Variants in AOAH observed in about 807,000 individuals in gnomAD.
The protein encoded by AOAH is acyloxyacyl hydrolase, also known as acyloxyacyl hydrolase (neutrophil).
A neutral mutation model predicts 92.2 loss-of-function variants in AOAH; 64 were observed. That is an observed-to-expected ratio of 0.69 (90% CI 0.57 to 0.86). The LOEUF (loss-of-function observed/expected upper bound fraction) is 0.86, where lower values mean the gene tolerates loss of function less well. AOAH is among the 40% of genes least tolerant of loss of function. The pLI is 0.00. For missense variants in AOAH, 656 were observed against 694.6 expected (o/e 0.94, Z 0.62); for synonymous variants, 263 against 254.5 (o/e 1.03, Z -0.32).
At chr7:36,541,902 T>C (rs923460818) in intron 15 of AOAH, among the ~76,000 whole-genome samples, 15 of 152,244 alleles carry the variant, frequency 9.9e-5, no homozygotes, top group African/African-American at 3.6e-4. Flanking sequence ...AGTTTTCATC[T>C]ACTCTTTACA....
At chr7:36,577,045 T>C (rs1036773431) in intron 12 of AOAH, among the ~76,000 whole-genome samples, 4 of 151,338 alleles carry the variant, frequency 2.6e-5, no homozygotes, top group Admixed American at 6.6e-5. Flanking sequence ...TTTTTTTGGT[T>C]GCTATGAAGC....
chr7:36,621,013 A>G (rs1792241439), intron 8 of AOAH, among the ~76,000 whole-genome samples, 184 bp from the exon 9 acceptor site: 1 of 152,206 alleles, frequency 6.6e-6, no homozygotes, highest in African/African-American at 2.4e-5. Context: ...GCCTCCATTC[A>G]GCTTCCTTGC....
At chr7:36,615,731 A>G (rs571029483) in intron 11 of AOAH, among the ~76,000 whole-genome samples, 1 of 152,252 alleles carries the variant, frequency 6.6e-6, no homozygotes, top group Admixed American at 6.5e-5. Flanking sequence ...TTATATGTCT[A>G]CCCCATATTT....
At chr7:36,649,122 A>T (rs779874045) in intron 4 of AOAH, among the ~76,000 whole-genome samples, 1 of 152,232 alleles carries the variant, frequency 6.6e-6, no homozygotes, top group African/African-American at 2.4e-5. Flanking sequence ...CGTATACAAT[A>T]GAAGCTTAGT....
intron 12 of AOAH, among the ~76,000 whole-genome samples, chr7:36,593,908 T>A (rs1789920297): frequency 6.6e-6 from 1 of 152,216 alleles, no homozygotes; most frequent in African/African-American, 2.4e-5. Context: ...TGGGTTTGTG[T>A]GTCATTCAAA....
chr7:36,592,666 A>G (rs1157882636), intron 12 of AOAH, among the ~76,000 whole-genome samples: 1 of 152,220 alleles, frequency 6.6e-6, no homozygotes, highest in Admixed American at 6.5e-5. Flanking sequence ...CAAGATTCTT[A>G]TTCTGTCTAT....
chr7:36,720,797 T>TCTGAGA (rs1799576415), intron 1 of AOAH, among the ~76,000 whole-genome samples: 1 of 152,030 alleles, frequency 6.6e-6, no homozygotes, highest in East Asian at 1.9e-4. Context: ...TGTGTATCCC[T>TCTGAGA]GCTCTCGCAT....
chr7:36,517,180 T>TTCTC (rs1783786303), intron 20 of AOAH, among the ~76,000 whole-genome samples: 1 of 58,184 alleles, frequency 1.7e-5, no homozygotes, highest in Non-Finnish European at 3.5e-5. Flanking sequence ...CTTTCTTTCT[T>TTCTC]TCTTTCTTTC....
intron 4 of AOAH, among the ~76,000 whole-genome samples, chr7:36,648,780 G>T (rs1794398598): frequency 6.6e-6 from 1 of 152,036 alleles, no homozygotes; most frequent in African/African-American, 2.4e-5. Context: ...CCACTGATTT[G>T]AAATGCTATT....
At chr7:36,706,759 T>G (rs560434672) in intron 1 of AOAH, among the ~76,000 whole-genome samples, 7 of 152,312 alleles carry the variant, frequency 4.6e-5, no homozygotes, top group African/African-American at 1.7e-4. Flanking sequence ...TTCCTTCACC[T>G]TGCACTTTTA....
intron 6 of AOAH, among the ~76,000 whole-genome samples, chr7:36,631,349 TC>T (rs1354261046): frequency 0.018 from 2,041 of 116,558 alleles, 39 homozygotes; most frequent in African/African-American, 0.062. Flanking sequence ...CTCCATCATC[TC>T]AAAAAAAAAA....
At chr7:36,635,554 C>T (rs1583997527) in intron 5 of AOAH, among the ~76,000 whole-genome samples, 1 of 150,594 alleles carries the variant, frequency 6.6e-6, no homozygotes, top group Non-Finnish European at 1.5e-5. Context: ...TTATAGGCTT[C>T]CCAGATGATT....
intron 1 of AOAH, among the ~76,000 whole-genome samples, chr7:36,694,582 A>T (rs1797595447): frequency 6.6e-6 from 1 of 152,194 alleles, no homozygotes; most frequent in Non-Finnish European, 1.5e-5. Flanking sequence ...TTTAAAAAAA[A>T]TCCTTTATCT....
At chr7:36,712,603 G>T (rs1290278025) in intron 1 of AOAH, among the ~76,000 whole-genome samples, 2 of 152,198 alleles carry the variant, frequency 1.3e-5, no homozygotes, top group Non-Finnish European at 2.9e-5. Flanking sequence ...TACCCAAAAA[G>T]GGAAGCCCAT....
intron 20 of AOAH, among the ~76,000 whole-genome samples, chr7:36,515,339 CACAT>C (rs1385108614): frequency 6.0e-5 from 8 of 133,552 alleles, no homozygotes; most frequent in South Asian, 2.6e-4. Flanking sequence ...ACACCACACA[CACAT>C]AATCACACAC....
At chr7:36,605,980 C>T (rs13243977) in intron 11 of AOAH, among the ~76,000 whole-genome samples, 6,754 of 152,250 alleles carry the variant, frequency 0.044, 207 homozygotes, top group East Asian at 0.1. Context: ...ATCTTTAATC[C>T]GCTAGCCTGC....
chr7:36,712,161 A>G (rs1241718526), intron 1 of AOAH, among the ~76,000 whole-genome samples: 1 of 152,186 alleles, frequency 6.6e-6, no homozygotes, highest in East Asian at 1.9e-4. Context: ...AATCCTTCCT[A>G]TTCTTGTCAG....
chr7:36,527,517 G>T (rs1220573204), intron 19 of AOAH, among the ~76,000 whole-genome samples: 1 of 152,088 alleles, frequency 6.6e-6, no homozygotes, highest in Non-Finnish European at 1.5e-5. Flanking sequence ...TACTTCACAG[G>T]CGTGAATGGA....
chr7:36,656,937 G>A (rs1794929980), intron 4 of AOAH, among the ~76,000 whole-genome samples: 1 of 151,396 alleles, frequency 6.6e-6, no homozygotes, highest in African/African-American at 2.4e-5. Flanking sequence ...CTAACAGGTA[G>A]GTAATTCCAC....
Sources: gnomAD v4.1 joint callset for allele counts (sites outside exome capture counted in the v4.1 genomes callset) on GRCh38, gnomAD v4.1.1 for gene constraint, MANE v1.5 for transcripts, NCBI Gene and HGNC (gene_info 2026-07-23, HGNC 2026-07-21) for gene names.